Variants in BRME1 observed in about 807,000 individuals in gnomAD.
BRME1 encodes the protein break repair meiotic recombinase recruitment factor 1.
A neutral mutation model predicts 52.6 loss-of-function variants in BRME1; 31 were observed. The observed-to-expected ratio is 0.59, with a 90% CI of 0.44 to 0.80. The LOEUF is 0.80. Among genes scored for constraint, BRME1 ranks in the 30% least tolerant of loss-of-function variants. The probability of loss-of-function intolerance (pLI) is 0.00; values close to 1 mark genes in which losing one functional copy is unlikely to be tolerated. For synonymous variants in BRME1, 359 were observed against 353.6 expected, an observed-to-expected ratio of 1.02 and a Z score of -0.17; for missense variants, 804 against 860.3, an observed-to-expected ratio of 0.93 and a Z score of 0.82.
In BRME1 at chr19:13,882,820, T is replaced by C; in HGVS notation, c.1989A>G (p.Pro663=). 1 of 1,613,718 alleles carries C rather than the reference T, an allele frequency of 6.2e-7. No individual in the cohort carries two copies. Among genetic ancestry groups the C allele is most frequent in the East Asian group, 2.2e-5 (1 of 44,844 alleles). ...AAGTGGCCTACAACTCCCTCCAGGG[T>C]GGGTCCCCTCGAGGGATATTCCCAG... ...KGPGNIPRGD[P]PWREL The change falls in exon 9 of 9, where the codon CCA becomes CCG. Residue 663 remains proline, a synonymous_variant. Transcript: ENST00000586783.
intron 2 of BRME1, among the ~76,000 whole-genome samples, chr19:13,895,936 G>A (rs1247068326): frequency 6.6e-6 from 1 of 152,202 alleles, no homozygotes; most frequent in Non-Finnish European, 1.5e-5. Flanking sequence ...CAATTGCGAT[G>A]TGTCTTCTTC....
intron 2 of BRME1, among the ~76,000 whole-genome samples, chr19:13,898,923 CAAAAAAA>C (rs1159325305): frequency 8.9e-5 from 6 of 67,722 alleles, no homozygotes; most frequent in Non-Finnish European, 9.3e-5. Context: ...AACTCCATCT[CAAAAAAA>C]AAAAAAAAAA....
At position 13,896,811 on chromosome 19, in the gene BRME1, C is replaced by T. The variant is rs993278968; in HGVS notation, c.32-1265G>A. Among the ~76,000 whole-genome samples the T allele has an allele frequency of 2.0e-5, 3 of 151,686 alleles. No individual in the cohort carries two copies. The East Asian group carries it at 5.8e-4, about 29-fold the overall frequency. On this transcript the variant is annotated intron_variant, in intron 2 of 8. Transcript: ENST00000586783. ...GCTCAAGCCATCCTCCCACCTCAGG[C>T]CACTCAAGTAGCTGGGACAAAAGGT...
intron 2 of BRME1, among the ~76,000 whole-genome samples, chr19:13,900,223 G>A (rs553481499): frequency 2.0e-5 from 3 of 152,296 alleles, no homozygotes; most frequent in South Asian, 2.1e-4. Flanking sequence ...GCAGAACCTT[G>A]TGTTCGACAC....
chr19:13,899,113 C>T (rs563619847), intron 2 of BRME1, among the ~76,000 whole-genome samples: 1 of 151,466 alleles, frequency 6.6e-6, no homozygotes, highest in Non-Finnish European at 1.5e-5. Flanking sequence ...TAAACCACAG[C>T]AATCTTCCTG....
chr19:13,891,135 T>TTTTTTTTTATTATTATTATTATTA (rs59151567), intron 5 of BRME1, among the ~76,000 whole-genome samples: 15 of 146,634 alleles, frequency 1.0e-4, no homozygotes, highest in African/African-American at 3.9e-4. Context: ...CAATTTCCTG[T>TTTTTTTTTATTATTATTATTATTA]TTATTATTAT....
Position 13,883,639 on chromosome 19 carries a change from C to T in BRME1, c.1764-239G>A, listed in dbSNP as rs1318521618. ...TCTCAGGACGCTGCTGCCACCGCCT[C>T]CCTATCTCCTGCCCCTGTGGCTTGT... On this transcript the variant is annotated intron_variant, in intron 7 of 8. Transcript: ENST00000586783. This position sits in a 1 kb window ranked among gnomAD's most constrained non-coding sequence, Gnocchi z 4.2. 6.2e-6 allele frequency: 3 copies of T among 483,412 alleles called. No individual in the cohort carries two copies. Among genetic ancestry groups the T allele is most frequent in the Non-Finnish European group, 1.1e-5 (3 of 265,466 alleles). 29.9% of individuals were successfully genotyped at this position (483,412 alleles called of 1,614,324 possible).
chr19:13,882,537 G>C lies in BRME1; in HGVS notation c.*265C>G. 1.9e-6 allele frequency: 1 copy of C among 538,502 alleles called. No homozygotes were observed. Among genetic ancestry groups the C allele is most frequent in the Non-Finnish European group, 3.2e-6 (1 of 308,420 alleles). 33.4% of individuals were successfully genotyped at this position (538,502 alleles called of 1,614,324 possible). On this transcript the variant is annotated 3_prime_UTR_variant, in exon 9 of 9. Transcript: ENST00000586783. Reference sequence around the variant, plus strand: ...GATGGGCCCTGCTCAGAGGTGGCCAGCTTCCTGGAGCCCAGGCCCGCTTGA... The same window carrying C: ...GATGGGCCCTGCTCAGAGGTGGCCACCTTCCTGGAGCCCAGGCCCGCTTGA...
In BRME1 at chr19:13,893,149, G is replaced by A. The variant is rs770597267; in HGVS notation, c.281C>T (p.Pro94Leu). Residue 94 changes from proline to leucine, a missense_variant, in exon 4 of 9, where the codon CCT becomes CTT. By Grantham distance (98) the Pro-to-Leu change is moderately conservative. Around this residue, in one of 3 missense-constraint regions of BRME1, gnomAD observed 234 missense variants for 258.1 expected, o/e 0.91. Coordinates refer to ENST00000586783, the MANE Select transcript of BRME1 (RefSeq NM_001345843.2). ...GCCACAGGACGAGCTCACCTGGGAA[G>A]GAGGAAGGGGAGCTGGCTCCTTTTC... ...QPEKEPAPLPPSQNSFGRFVP... is the reference protein window; with the variant it reads ...QPEKEPAPLPLSQNSFGRFVP... The A allele has an allele frequency of 1.3e-6, 2 of 1,596,618 alleles. No homozygotes were observed. The highest frequency in any genetic ancestry group is 1.1e-5 in the South Asian group (1 of 87,610).
At chr19:13,904,107 CTTTCTTTT>C (rs1434586877) in intron 2 of BRME1, among the ~76,000 whole-genome samples, 1 of 151,582 alleles carries the variant, frequency 6.6e-6, no homozygotes, top group Non-Finnish European at 1.5e-5. Flanking sequence ...ATTTTTCTTT[CTTTCTTTT>C]TTTTTTTGAG....
chr19:13,882,929 C>T lies in BRME1; in HGVS notation c.1880G>A (p.Arg627Gln), dbSNP rs182741632. The T allele has an allele frequency of 1.6e-5, 26 of 1,613,496 alleles. No homozygotes were observed. Among genetic ancestry groups the T allele is most frequent in the East Asian group, 1.6e-4 (7 of 44,864 alleles). ...AAGGCGCTTGAAAGCTTCCAGGTCC[C>T]GGTGGGTGCCCATGATCAGCCGGCT... The part of the protein sequence containing the change: ...NLNRLIMGTH[R>Q]DLEAFKRLNY... Residue 627 changes from arginine to glutamine, a missense_variant, in exon 9 of 9, where the codon CGG becomes CAG. Around this residue, in one of 3 missense-constraint regions of BRME1, gnomAD observed 552 missense variants for 561.1 expected, o/e 0.98. Coordinates refer to ENST00000586783, the MANE Select transcript of BRME1 (RefSeq NM_001345843.2).
intron 2 of BRME1, among the ~76,000 whole-genome samples, chr19:13,896,927 C>T (rs1205597867): frequency 3.3e-5 from 5 of 151,876 alleles, no homozygotes; most frequent in Non-Finnish European, 5.9e-5. Context: ...TGAACTCTGG[C>T]GCTCAAGTGA....
intron 3 of BRME1, among the ~76,000 whole-genome samples, chr19:13,894,610 G>A (rs763344010): frequency 2.6e-5 from 4 of 152,154 alleles, no homozygotes; most frequent in African/African-American, 9.7e-5. Context: ...GGTCATCCTT[G>A]TTATGTTACA....
intron 3 of BRME1, 101 bp from the exon 4 acceptor site, chr19:13,893,324 G>C (rs1969651648): frequency 1.0e-6 from 1 of 997,982 alleles, no homozygotes; most frequent in African/African-American, 1.7e-5. Context: ...AGATCACCGA[G>C]GCCAGGAGTT....
intron 2 of BRME1, among the ~76,000 whole-genome samples, chr19:13,897,116 G>A (rs370238598): frequency 8.9e-5 from 13 of 146,082 alleles, no homozygotes; most frequent in African/African-American, 2.9e-4. Context: ...TCTGCTCACC[G>A]CAACCTCTGC....
intron 2 of BRME1, among the ~76,000 whole-genome samples, chr19:13,896,460 A>G (rs1969906790): frequency 6.8e-6 from 1 of 146,656 alleles, no homozygotes; most frequent in Non-Finnish European, 1.5e-5. Flanking sequence ...CTTGTATTAT[A>G]TTATATATTT....
At chr19:13,904,706 C>T (rs556451423) in intron 2 of BRME1, among the ~76,000 whole-genome samples, 156 bp downstream of exon 2, 7 of 152,132 alleles carry the variant, frequency 4.6e-5, no homozygotes, top group Non-Finnish European at 1.0e-4. Context: ...TCCCAAAGTG[C>T]TGAGATTACA....
At chr19:13,895,271 T>C (rs1969795612) in intron 3 of BRME1, 101 bp downstream of exon 3, 1 of 1,283,810 alleles carries the variant, frequency 7.8e-7, no homozygotes, top group South Asian at 1.5e-5. Context: ...CAGCACTAGA[T>C]AGGTTGTGGG....
intron 5 of BRME1, 136 bp from the exon 6 acceptor site, chr19:13,890,598 C>T (rs1969417908): frequency 2.7e-6 from 2 of 729,084 alleles, no homozygotes; most frequent in Non-Finnish European, 4.0e-6. Flanking sequence ...GGCGTGATGG[C>T]TCATGCCTGT....
Sources: allele counts gnomAD v4.1 joint callset (sites outside exome capture counted in the v4.1 genomes callset), GRCh38; gene constraint gnomAD v4.1.1; regional missense constraint gnomAD v4.1.1; non-coding constraint Gnocchi (gnomAD v3.1); transcripts MANE v1.5; gene names NCBI Gene and HGNC (gene_info 2026-07-23, HGNC 2026-07-21).